Variants in PDE6B observed in about 807,000 individuals in gnomAD.
PDE6B encodes rod cGMP-specific 3',5'-cyclic phosphodiesterase subunit beta.
In PDE6B, 106 loss-of-function variants were observed where a neutral mutation model predicts 109.0. That is an observed-to-expected ratio of 0.97 (90% CI 0.83 to 1.14). The LOEUF (loss-of-function observed/expected upper bound fraction) is 1.14. PDE6B is among the 50% of genes most tolerant of loss of function. The probability of loss-of-function intolerance (pLI) is 0.00; values close to 1 mark genes in which losing one functional copy is unlikely to be tolerated. For missense variants in PDE6B, 1,193 were observed against 1,155.6 expected, an observed-to-expected ratio of 1.03 and a Z score of -0.47; for synonymous variants, 490 against 471.3, an observed-to-expected ratio of 1.04 and a Z score of -0.51.
chr4:637,075 A>T (rs1171244570), intron 3 of PDE6B, among the ~76,000 whole-genome samples: 1 of 152,218 alleles, frequency 6.6e-6, no homozygotes, highest in African/African-American at 2.4e-5. Flanking sequence ...GTGTGGACTT[A>T]TGAGTATTGT....
intron 1 of PDE6B, among the ~76,000 whole-genome samples, chr4:632,342 CAT>C (rs1734427395): frequency 4.6e-5 from 7 of 151,304 alleles, no homozygotes; most frequent in Admixed American, 3.9e-4. Context: ...CTGAGGATCA[CAT>C]GTGGATCCAT....
At chr4:649,926 G>A (rs929729777) in intron 3 of PDE6B, among the ~76,000 whole-genome samples, 9 of 152,178 alleles carry the variant, frequency 5.9e-5, no homozygotes, top group Admixed American at 2.6e-4. Flanking sequence ...CCCCATGTCA[G>A]TGGATCCCTC....
At chr4:664,004 G>A (rs1226580193) in intron 16 of PDE6B, 110 bp from the exon 17 acceptor site, 2 of 1,130,230 alleles carry the variant, frequency 1.8e-6, no homozygotes, top group Non-Finnish European at 2.7e-6. Flanking sequence ...CCGGCCCCGC[G>A]CACCCCGGAT....
chr4:636,010 G>A lies in PDE6B; in HGVS notation c.711+41G>A. On this transcript the variant is annotated intron_variant, in intron 3 of 21. Transcript: ENST00000496514. The surrounding 1 kb of genome is among the most constrained non-coding windows in gnomAD (Gnocchi z 4.5). ...GCACAGCTCTGCCCACGAGGGCCAG[G>A]GTCCCTCCGCCCATCTCGCTGCCTG... The A allele has an allele frequency of 8.4e-7, 1 of 1,193,524 alleles. No homozygotes were observed. The highest frequency in any genetic ancestry group is 1.3e-6 in the Non-Finnish European group (1 of 797,172). 73.9% of individuals were successfully genotyped at this position (1,193,524 alleles called of 1,614,324 possible).
chr4:642,056 C>T (rs1734970689), intron 3 of PDE6B, among the ~76,000 whole-genome samples: 1 of 152,168 alleles, frequency 6.6e-6, no homozygotes, highest in Non-Finnish European at 1.5e-5. Flanking sequence ...ATTTCTTTTT[C>T]TTGCCTTATT....
chr4:665,404 G>T lies in PDE6B; in HGVS notation c.2268+75G>T. On this transcript the variant is annotated intron_variant, in intron 19 of 21. Transcript: ENST00000496514. The surrounding 1 kb of genome is among the most constrained non-coding windows in gnomAD (Gnocchi z 4.0). ...CCCTCTTGGTCCTCAGGAGCCTCAG[G>T]TCCTGGCTTGGTCTCAGGCAGGGGG... 1 of 1,033,732 alleles carries T rather than the reference G, an allele frequency of 9.7e-7. No individual in the cohort carries two copies. The highest frequency in any genetic ancestry group is 1.5e-6 in the Non-Finnish European group (1 of 660,750). 64.0% of individuals were successfully genotyped at this position (1,033,732 alleles called of 1,614,324 possible). A position where few individuals can be genotyped will look rare whatever the true frequency, so the allele number is the denominator to read the frequency against.
intron 17 of PDE6B, 58 bp downstream of exon 17, chr4:664,279 C>T: frequency 1.0e-6 from 1 of 962,668 alleles, no homozygotes; most frequent in Non-Finnish European, 1.7e-6. Context: ...CGGGCCCACT[C>T]ACCAGCTGGT....
chr4:659,293 G>A (rs983088922), intron 11 of PDE6B, among the ~76,000 whole-genome samples: 1 of 152,208 alleles, frequency 6.6e-6, no homozygotes, highest in Non-Finnish European at 1.5e-5. Flanking sequence ...GTGTCTTCCT[G>A]TCTCCTCTGT....
chr4:659,572 G>GGT (rs373895151), intron 11 of PDE6B, among the ~76,000 whole-genome samples: 7 of 151,246 alleles, frequency 4.6e-5, no homozygotes, highest in South Asian at 2.1e-4. Flanking sequence ...TGCACATGTG[G>GGT]GTGTGTGTGT....
chr4:657,422 C>A lies in PDE6B; in HGVS notation c.1329C>A (p.Asn443Lys). The stretch of plus-strand genomic sequence containing the variant: ...ACGACAAGATGAACAAGCTGGAGAA[C>A]CGCAAGGACATCGCACAGGACATGG... ...DTYDKMNKLENRKDIAQDMVL... is the reference protein window; with the variant it reads ...DTYDKMNKLEKRKDIAQDMVL... Residue 443 changes from asparagine (N) to lysine (K), a missense_variant, in exon 10 of 22, where the codon AAC becomes AAA. By Grantham distance (94) the Asn-to-Lys change is moderately conservative. Coordinates refer to ENST00000496514, the MANE Select transcript of PDE6B (RefSeq NM_000283.4). The A allele has an allele frequency of 6.2e-7, 1 of 1,613,150 alleles. No individual in the cohort carries two copies. Among genetic ancestry groups the A allele is most frequent in the East Asian group, 2.2e-5 (1 of 44,882 alleles).
Position 626,127 on chromosome 4 carries a change from G to A in PDE6B, c.468+33G>A, listed in dbSNP as rs375501520. On this transcript the variant is annotated intron_variant, in intron 1 of 21. Transcript: ENST00000496514. The surrounding 1 kb of genome is among the most constrained non-coding windows in gnomAD (Gnocchi z 4.6). ...TGTGCGGAGCCTCAGGGAGGCGGCTGTGTGCATCTCTTGCACCTGTCCCAG... is the reference window on the plus strand; with the variant it reads ...TGTGCGGAGCCTCAGGGAGGCGGCTATGTGCATCTCTTGCACCTGTCCCAG... The A allele has an allele frequency of 6.2e-6, 8 of 1,296,224 alleles. No homozygotes were observed. Among genetic ancestry groups the A allele is most frequent in the South Asian group, 1.3e-5 (1 of 79,078 alleles). The allele number at this position is 1,296,224 out of a possible 1,614,324, so 80.3% of individuals were successfully genotyped here.
At chr4:664,287 GGT>G in intron 17 of PDE6B, 66 bp downstream of exon 17, 1 of 900,936 alleles carries the variant, frequency 1.1e-6, no homozygotes, top group Non-Finnish European at 1.9e-6. Flanking sequence ...CTCACCAGCT[GGT>G]TAACCCTGCA....
rs936785786 is a variant in PDE6B, at chr4:665,148, G to A, written c.2194-107G>A. ...CGGAGCCCTGTGTGGTGGGGACCCC[G>A]GGGGTCTGGGGCGGAGAAGACCGAG... On this transcript the variant is annotated intron_variant, in intron 18 of 21. Coordinates refer to ENST00000496514, the MANE Select transcript of PDE6B (RefSeq NM_000283.4). The surrounding 1 kb of genome is among the most constrained non-coding windows in gnomAD (Gnocchi z 4.0). 3.5e-5 allele frequency: 32 copies of A among 914,688 alleles called. No homozygotes were observed. Among genetic ancestry groups the A allele is most frequent in the East Asian group, 1.7e-4 (7 of 40,026 alleles). 56.7% of individuals were successfully genotyped at this position (914,688 alleles called of 1,614,324 possible).
chr4:655,004 C>CCTGG, intron 6 of PDE6B, 116 bp downstream of exon 6: 1 of 762,770 alleles, frequency 1.3e-6, no homozygotes, highest in East Asian at 2.5e-5. Context: ...GCAGCACCGG[C>CCTGG]CTGGCCTGGC....
chr4:667,766 C>T, intron 20 of PDE6B, 90 bp from the exon 21 acceptor site: 1 of 1,407,168 alleles, frequency 7.1e-7, no homozygotes, highest in South Asian at 1.2e-5. Flanking sequence ...CAGTTCATCC[C>T]CTACGAGGGG....
At chr4:661,027 A>AATTG (rs1737034450) in intron 12 of PDE6B, among the ~76,000 whole-genome samples, 2 of 145,620 alleles carry the variant, frequency 1.4e-5, no homozygotes, top group Admixed American at 7.1e-5. Context: ...TGGTTGGATA[A>AATTG]ATGGATGGAT....
intron 3 of PDE6B, among the ~76,000 whole-genome samples, chr4:650,955 T>C (rs1735481642): frequency 6.6e-6 from 1 of 152,182 alleles, no homozygotes; most frequent in South Asian, 2.1e-4. Flanking sequence ...GGCAGAAGCC[T>C]CAGGGTGGGG....
chr4:637,658 G>A (rs887838447), intron 3 of PDE6B, among the ~76,000 whole-genome samples: 7 of 152,240 alleles, frequency 4.6e-5, no homozygotes, highest in Non-Finnish European at 1.5e-5. Flanking sequence ...GGCCGGCTGT[G>A]CTTGTTGCCG....
chr4:654,796 C>T, intron 5 of PDE6B, 28 bp from the exon 6 acceptor site: 1 of 1,263,874 alleles, frequency 7.9e-7, no homozygotes, highest in Non-Finnish European at 1.2e-6. Flanking sequence ...GCCAGGCAGC[C>T]CCCCGACCAG....
Sources: allele counts gnomAD v4.1 joint callset (sites outside exome capture counted in the v4.1 genomes callset), GRCh38; gene constraint gnomAD v4.1.1; non-coding constraint Gnocchi (gnomAD v3.1); transcripts MANE v1.5; gene names NCBI Gene and HGNC (gene_info 2026-07-23, HGNC 2026-07-21).